ARL8B: variants seen among roughly 807,000 people sequenced by gnomAD.
ARL8B encodes the protein ARF like GTPase 8B.
ARL8B carries 9 observed loss-of-function variants against 30.6 expected under a neutral mutation model. The observed-to-expected ratio is 0.29, with a 90% CI of 0.18 to 0.51. The LOEUF (loss-of-function observed/expected upper bound fraction) is 0.51, where lower values mean the gene tolerates loss of function less well. Ranked by LOEUF, ARL8B falls within the 20% of genes least tolerant of loss-of-function variation. The pLI, the probability that ARL8B is intolerant of heterozygous loss-of-function variation, is 0.97. For synonymous variants in ARL8B, 74 were observed against 76.0 expected, an observed-to-expected ratio of 0.97 and a Z score of 0.14; for missense variants, 130 against 227.2, an observed-to-expected ratio of 0.57 and a Z score of 2.75.
At chr3:5,177,130 A>G (rs1438480399) in intron 6 of ARL8B, among the ~76,000 whole-genome samples, 2 of 152,200 alleles carry the variant, frequency 1.3e-5, no homozygotes, top group Non-Finnish European at 2.9e-5. Context: ...CCTGAAAAAA[A>G]AACAAAATCT....
chr3:5,174,922 C>T (rs1486098808), intron 6 of ARL8B, among the ~76,000 whole-genome samples: 1 of 151,732 alleles, frequency 6.6e-6, no homozygotes, highest in African/African-American at 2.4e-5. Context: ...TGTGCCTCAG[C>T]CTCCTGAGTA....
intron 1 of ARL8B, among the ~76,000 whole-genome samples, chr3:5,145,619 C>G (rs541726006): frequency 2.0e-5 from 3 of 152,200 alleles, no homozygotes; most frequent in Non-Finnish European, 4.4e-5. Context: ...GATGGGAGGA[C>G]TAGGGCCGGG....
intron 1 of ARL8B, among the ~76,000 whole-genome samples, chr3:5,158,092 C>T (rs111277610): frequency 0.015 from 2,259 of 152,248 alleles, 63 homozygotes; most frequent in African/African-American, 0.052. Flanking sequence ...TGTCCTGCCT[C>T]AGCCTCCAAA....
chr3:5,122,427 C>G lies in ARL8B; in HGVS notation c.-39C>G. On this transcript the variant is annotated 5_prime_UTR_variant, in exon 1 of 7. Transcript: ENST00000256496. ...TGTGGAAGTCGTCGACGCCGCCGCT[C>G]GTCCGTCCTCCCGTCCGTTCTCGCT... is the stretch of plus-strand genomic sequence containing the variant. 1 of 1,610,142 alleles carries G rather than the reference C, an allele frequency of 6.2e-7. No individual in the cohort carries two copies. Among genetic ancestry groups the G allele is most frequent in the Non-Finnish European group, 8.5e-7 (1 of 1,179,014 alleles).
chr3:5,134,842 C>T (rs1389178625), intron 1 of ARL8B, among the ~76,000 whole-genome samples: 1 of 152,142 alleles, frequency 6.6e-6, no homozygotes, highest in Non-Finnish European at 1.5e-5. Context: ...GCTGTTCCAC[C>T]TTCACTATGT....
At chr3:5,140,336 T>C (rs2054361618) in intron 1 of ARL8B, among the ~76,000 whole-genome samples, 2 of 152,136 alleles carry the variant, frequency 1.3e-5, no homozygotes, top group Admixed American at 6.6e-5. Context: ...CAAGATCTGT[T>C]GGTTTTGTGG....
intron 1 of ARL8B, among the ~76,000 whole-genome samples, chr3:5,162,739 T>G (rs2054592928): frequency 6.6e-6 from 1 of 152,202 alleles, no homozygotes; most frequent in South Asian, 2.1e-4. Flanking sequence ...TATTCTTTAG[T>G]AATAAGACTT....
intron 1 of ARL8B, among the ~76,000 whole-genome samples, chr3:5,137,876 C>G (rs531854026): frequency 2.0e-5 from 3 of 152,330 alleles, no homozygotes; most frequent in African/African-American, 7.2e-5. Flanking sequence ...GCACGAGCCA[C>G]TGTGCCTAGC....
Position 5,122,502 on chromosome 3 carries a change from C to T in ARL8B, c.37C>T (p.Arg13Cys). The T allele has an allele frequency of 6.2e-7, 1 of 1,613,734 alleles. No homozygotes were observed. Among genetic ancestry groups the T allele is most frequent in the Non-Finnish European group, 8.5e-7 (1 of 1,179,788 alleles). Residue 13 changes from arginine (R) to cysteine (C), a missense_variant, in exon 1 of 7, where the codon CGT becomes TGT. Physicochemically the swap from Arg to Cys is radical, Grantham distance 180. Transcript: ENST00000256496. ...CATCTCCCGCCTGCTGGACTGGTTCCGTTCGCTCTTCTGGAAGGAAGAGAT... is the reference window on the plus strand; with the variant it reads ...CATCTCCCGCCTGCTGGACTGGTTCTGTTCGCTCTTCTGGAAGGAAGAGAT... ...ALISRLLDWF[R>C]SLFWKEEMEL...
chr3:5,137,235 AT>A (rs2054335025), intron 1 of ARL8B, among the ~76,000 whole-genome samples: 1 of 151,952 alleles, frequency 6.6e-6, no homozygotes, highest in African/African-American at 2.4e-5. Flanking sequence ...CTGGCATAGA[AT>A]GAGTACTCCT....
chr3:5,169,655 C>T (rs1352343197), intron 1 of ARL8B, among the ~76,000 whole-genome samples: 4 of 151,152 alleles, frequency 2.6e-5, no homozygotes, highest in African/African-American at 4.9e-5. Context: ...ATTAGTGAGT[C>T]GAACGTCTTT....
chr3:5,154,094 CTG>C (rs2054511751), intron 1 of ARL8B, among the ~76,000 whole-genome samples: 2 of 152,120 alleles, frequency 1.3e-5, no homozygotes, highest in South Asian at 4.2e-4. Context: ...TGTGATATAT[CTG>C]GATGTGGATT....
chr3:5,172,259 C>T, intron 3 of ARL8B, 36 bp downstream of exon 3: 1 of 1,535,798 alleles, frequency 6.5e-7, no homozygotes, highest in East Asian at 2.3e-5. Flanking sequence ...GCTTTTAAAT[C>T]AATGTAGGCA....
At chr3:5,174,581 T>G (rs527607741) in intron 6 of ARL8B, among the ~76,000 whole-genome samples, 167 bp downstream of exon 6, 2 of 150,910 alleles carry the variant, frequency 1.3e-5, no homozygotes, top group East Asian at 3.9e-4. Context: ...ACAAATATAG[T>G]GAACCTTCAC....
At chr3:5,130,406 G>A (rs2106553644) in intron 1 of ARL8B, among the ~76,000 whole-genome samples, 1 of 152,130 alleles carries the variant, frequency 6.6e-6, no homozygotes, top group African/African-American at 2.4e-5. Context: ...TACTTATCAT[G>A]CTGCTATTTT....
At chr3:5,126,963 G>A (rs1231155404) in intron 1 of ARL8B, among the ~76,000 whole-genome samples, 1 of 152,152 alleles carries the variant, frequency 6.6e-6, no homozygotes, top group Non-Finnish European at 1.5e-5. Context: ...TGGACATTAT[G>A]TATTTTTTAA....
At chr3:5,170,041 G>T (rs1474111426) in intron 1 of ARL8B, among the ~76,000 whole-genome samples, 1 of 152,114 alleles carries the variant, frequency 6.6e-6, no homozygotes, top group African/African-American at 2.4e-5. Flanking sequence ...TACATAAAAG[G>T]AAAAACTTCT....
chr3:5,153,515 T>C (rs2054504274), intron 1 of ARL8B, among the ~76,000 whole-genome samples: 1 of 152,118 alleles, frequency 6.6e-6, no homozygotes, highest in Non-Finnish European at 1.5e-5. Flanking sequence ...TAAACCTCTT[T>C]CTTTTGTAAA....
chr3:5,173,067 A>G (rs1202078433), intron 4 of ARL8B, among the ~76,000 whole-genome samples: 3 of 152,240 alleles, frequency 2.0e-5, no homozygotes, highest in Non-Finnish European at 4.4e-5. Flanking sequence ...AAACACTTGA[A>G]TAATGCAGCT....
Sources: allele counts gnomAD v4.1 joint callset (sites outside exome capture counted in the v4.1 genomes callset), GRCh38; gene constraint gnomAD v4.1.1; transcripts MANE v1.5; gene names NCBI Gene and HGNC (gene_info 2026-07-23, HGNC 2026-07-21).